MMP26: variants seen among roughly 807,000 people sequenced by gnomAD.
MMP26 encodes matrix metalloproteinase-26.
Under a neutral mutation model 31.0 loss-of-function variants are expected in MMP26, and 33 were observed. That is an observed-to-expected ratio of 1.06 (90% CI 0.81 to 1.42). MMP26 has a LOEUF of 1.42. Among genes scored for constraint, MMP26 ranks in the 40% most tolerant of loss-of-function variants. The pLI, the probability that MMP26 is intolerant of heterozygous loss-of-function variation, is 0.00. For synonymous variants in MMP26, 122 were observed against 114.9 expected, an observed-to-expected ratio of 1.06 and a Z score of -0.40; for missense variants, 347 against 316.1, an observed-to-expected ratio of 1.10 and a Z score of -0.74.
At chr11:4,878,750 T>G (rs1249805106) in intron 2 of MMP26, among the ~76,000 whole-genome samples, 1 of 152,160 alleles carries the variant, frequency 6.6e-6, no homozygotes, top group Non-Finnish European at 1.5e-5. Flanking sequence ...AAATCTTATC[T>G]GAAATTTTCA....
intron 2 of MMP26, chr11:4,973,105 A>G (rs1158980003): frequency 1.0e-5 from 2 of 197,142 alleles, no homozygotes; most frequent in African/African-American, 2.4e-5. Flanking sequence ...GGTAGATGAC[A>G]GCTAGGGAGA....
intron 2 of MMP26, among the ~76,000 whole-genome samples, chr11:4,811,939 T>C (rs571972140): frequency 6.6e-6 from 1 of 152,300 alleles, no homozygotes; most frequent in South Asian, 2.1e-4. Flanking sequence ...TTTCCAAAAC[T>C]GGTACCTCTC....
chr11:4,943,419 G>T (rs2595992), intron 2 of MMP26: 383,641 of 454,310 alleles, frequency 0.84, 162,502 homozygotes, highest in Admixed American at 0.91. Flanking sequence ...GTGTAGGTGA[G>T]CTCAAGGTAA....
chr11:4,843,928 C>A (rs759622243), intron 2 of MMP26, among the ~76,000 whole-genome samples: 4 of 151,872 alleles, frequency 2.6e-5, no homozygotes, highest in Non-Finnish European at 5.9e-5. Flanking sequence ...AAGATCAGAG[C>A]AGAAATAAAT....
intron 2 of MMP26, among the ~76,000 whole-genome samples, chr11:4,807,058 T>A (rs1485190829): frequency 1.3e-5 from 2 of 152,116 alleles, no homozygotes; most frequent in East Asian, 3.8e-4. Flanking sequence ...AAGTAAAATT[T>A]AAAAAATAAA....
chr11:4,916,224 G>A (rs1354417460), intron 2 of MMP26, among the ~76,000 whole-genome samples: 1 of 151,790 alleles, frequency 6.6e-6, no homozygotes, highest in Admixed American at 6.6e-5. Flanking sequence ...GTTGGCAGTG[G>A]CTGTGTTCTG....
intron 1 of MMP26, among the ~76,000 whole-genome samples, chr11:4,729,998 T>TTTTTTTTTTTTTTTTTTTTTGAGACGGA (rs1372068573): frequency 1.3e-5 from 2 of 151,802 alleles, no homozygotes; most frequent in African/African-American, 2.4e-5. Flanking sequence ...CCCTCATTTT[T>TTTTTTTTTTTTTTTTTTTTTGAGACGGA]GTAGCTGGTC....
intron 2 of MMP26, among the ~76,000 whole-genome samples, chr11:4,839,855 G>A (rs1849770927): frequency 6.6e-6 from 1 of 151,794 alleles, no homozygotes; most frequent in Non-Finnish European, 1.5e-5. Flanking sequence ...CAACCACAGG[G>A]GTGTAGAGCA....
intron 2 of MMP26, among the ~76,000 whole-genome samples, chr11:4,927,771 G>T (rs754546765): frequency 6.6e-6 from 1 of 152,124 alleles, no homozygotes; most frequent in African/African-American, 2.4e-5. Flanking sequence ...CTCCTCAGGG[G>T]CCTTTCCCAA....
intron 2 of MMP26, among the ~76,000 whole-genome samples, chr11:4,795,538 C>A (rs2133446639): frequency 1.3e-5 from 2 of 152,238 alleles, no homozygotes; most frequent in South Asian, 4.2e-4. Flanking sequence ...TGGGCTACAT[C>A]CAGTTTCAAT....
At chr11:4,902,705 A>T (rs1850821798) in intron 2 of MMP26, among the ~76,000 whole-genome samples, 1 of 152,228 alleles carries the variant, frequency 6.6e-6, no homozygotes, top group African/African-American at 2.4e-5. Flanking sequence ...ATCTGCTAGA[A>T]TAGCCCAATG....
intron 2 of MMP26, among the ~76,000 whole-genome samples, chr11:4,987,567 C>T (rs1846923405): frequency 1.3e-5 from 2 of 152,040 alleles, no homozygotes; most frequent in South Asian, 2.1e-4. Flanking sequence ...TACAGGCGCC[C>T]ACCACCACAC....
chr11:4,972,042 G>A (rs1455923409), intron 2 of MMP26, among the ~76,000 whole-genome samples: 1 of 152,140 alleles, frequency 6.6e-6, no homozygotes, highest in Non-Finnish European at 1.5e-5. Context: ...TATGAGATCA[G>A]GAGGGGACAA....
intron 2 of MMP26, chr11:4,821,892 C>G (rs751192254): frequency 5.8e-5 from 94 of 1,613,890 alleles, no homozygotes; most frequent in Non-Finnish European, 7.8e-5. Context: ...ATGTTGCCGT[C>G]ATGTTGCCAG....
At chr11:4,780,556 ATTATT>A (rs1376044509) in intron 2 of MMP26, among the ~76,000 whole-genome samples, 2 of 152,032 alleles carry the variant, frequency 1.3e-5, no homozygotes, top group African/African-American at 4.8e-5. Flanking sequence ...TTTGCATGTA[ATTATT>A]TTATTGGTTA....
intron 1 of MMP26, among the ~76,000 whole-genome samples, chr11:4,731,098 C>T (rs777142358): frequency 2.0e-5 from 3 of 152,154 alleles, no homozygotes; most frequent in Non-Finnish European, 4.4e-5. Context: ...GCGTGCACCA[C>T]CACTCCAGAC....
intron 2 of MMP26, among the ~76,000 whole-genome samples, chr11:4,987,640 G>T (rs969048592): frequency 4.0e-5 from 6 of 151,582 alleles, no homozygotes; most frequent in Admixed American, 3.9e-4. Context: ...GGATGGTCTC[G>T]ATCTCCTGAC....
At chr11:4,915,793 C>T in intron 2 of MMP26, 1 of 595,574 alleles carries the variant, frequency 1.7e-6, no homozygotes, top group East Asian at 2.8e-5. Flanking sequence ...AACTGTGCAG[C>T]TCTTTCTAGT....
intron 2 of MMP26, among the ~76,000 whole-genome samples, chr11:4,974,871 G>A (rs1589822477): frequency 1.3e-5 from 2 of 151,952 alleles, no homozygotes; most frequent in African/African-American, 4.8e-5. Context: ...ACCAAACACC[G>A]CATGTTCTCA....
Sources: gnomAD v4.1 joint callset for allele counts (sites outside exome capture counted in the v4.1 genomes callset) on GRCh38, gnomAD v4.1.1 for gene constraint, MANE v1.5 for transcripts, NCBI Gene and HGNC (gene_info 2026-07-23, HGNC 2026-07-21) for gene names.